BRD4: variants seen among roughly 807,000 people sequenced by gnomAD.
BRD4 encodes bromodomain-containing protein 4.
BRD4 carries 16 observed loss-of-function variants against 142.1 expected under a neutral mutation model. That is an observed-to-expected ratio of 0.11 (90% CI 0.08 to 0.17). The LOEUF is 0.17. Ranked by LOEUF, BRD4 falls within the 10% of genes least tolerant of loss-of-function variation. The probability of loss-of-function intolerance (pLI) is 1.00; values close to 1 mark genes in which losing one functional copy is unlikely to be tolerated. For synonymous variants in BRD4, 833 were observed against 707.5 expected (o/e 1.18, Z -2.82); for missense variants, 1,424 against 1,810.9 (o/e 0.79, Z 3.88).
In BRD4 at chr19:15,236,865, A is replaced by G. The variant is rs1568374671; in HGVS notation, c.*1512T>C. The stretch of plus-strand genomic sequence containing the variant: ...AAAAAAAGAGAGATGTGTTTATTCC[A>G]TGATCAGTACAGACCAAATGCATAT... On this transcript the variant is annotated 3_prime_UTR_variant, in exon 20 of 20. Transcript: ENST00000679869. 1 of 193,976 alleles carries G rather than the reference A, an allele frequency of 5.2e-6. No individual in the cohort carries two copies. The highest frequency in any genetic ancestry group is 1.1e-5 in the Non-Finnish European group (1 of 93,086). 12.0% of individuals were successfully genotyped at this position (193,976 alleles called of 1,614,324 possible).
intron 1 of BRD4, among the ~76,000 whole-genome samples, chr19:15,292,240 C>CA (rs1210748208): frequency 2.0e-5 from 3 of 152,156 alleles, no homozygotes; most frequent in African/African-American, 7.2e-5. Flanking sequence ...AGAAGTTATA[C>CA]AACTCTCATA....
chr19:15,327,447 A>G (rs544735990), intron 1 of BRD4, among the ~76,000 whole-genome samples: 43 of 152,238 alleles, frequency 2.8e-4, no homozygotes, highest in Non-Finnish European at 5.7e-4. Flanking sequence ...GGGAGGTTGA[A>G]GCAGGAGAAG....
intron 10 of BRD4, 114 bp from the exon 11 acceptor site, chr19:15,254,376 G>A (rs971005243): frequency 1.2e-5 from 11 of 883,054 alleles, no homozygotes; most frequent in South Asian, 7.4e-5. Context: ...GCCTGTGCAC[G>A]GTGGGCCCAG....
chr19:15,306,367 C>G (rs1257625540), intron 1 of BRD4, among the ~76,000 whole-genome samples: 1 of 152,158 alleles, frequency 6.6e-6, no homozygotes, highest in Admixed American at 6.6e-5. Context: ...CTCCTAGGCT[C>G]AAGCAATCCT....
At chr19:15,323,992 G>A (rs995965086) in intron 1 of BRD4, among the ~76,000 whole-genome samples, 4 of 152,214 alleles carry the variant, frequency 2.6e-5, no homozygotes, top group African/African-American at 7.2e-5. Flanking sequence ...TTACAGAAGA[G>A]AAAACTGAGG....
At position 15,244,420 on chromosome 19, in the gene BRD4, G is replaced by A; in HGVS notation, c.2392C>T (p.Pro798Ser). Reference protein sequence around the residue: ...QAAPAMKSSPPPFIATQVPVL... With the variant: ...QAAPAMKSSPSPFIATQVPVL... Reference sequence around the variant, plus strand: ...GGCACCTGGGTGGCAATGAAGGGTGGGGGCGAGGACTTCATCGCCGGGGCT... The same window carrying A: ...GGCACCTGGGTGGCAATGAAGGGTGAGGGCGAGGACTTCATCGCCGGGGCT... The change falls in exon 13 of 20, where the codon CCA (proline) becomes TCA (serine). Residue 798 changes from proline (P) to serine (S), a missense_variant. Around this residue, in one of 16 missense-constraint regions of BRD4, gnomAD observed 598 missense variants for 647.8 expected, o/e 0.92. Coordinates refer to ENST00000679869, the MANE Select transcript of BRD4 (RefSeq NM_001379291.1). 6.3e-7 allele frequency: 1 copy of A among 1,593,474 alleles called. No homozygotes were observed. The highest frequency in any genetic ancestry group is 8.5e-7 in the Non-Finnish European group (1 of 1,174,650).
chr19:15,271,009 G>A (rs1201954776), intron 2 of BRD4, among the ~76,000 whole-genome samples: 1 of 152,162 alleles, frequency 6.6e-6, no homozygotes, highest in African/African-American at 2.4e-5. Flanking sequence ...CCTGGACCAA[G>A]AACGTCCTGG....
chr19:15,267,329 TC>T, intron 4 of BRD4, 86 bp downstream of exon 4: 1 of 1,509,570 alleles, frequency 6.6e-7, no homozygotes, highest in Non-Finnish European at 9.0e-7. Context: ...TGTCACATCC[TC>T]CTGCCACTCC....
intron 1 of BRD4, among the ~76,000 whole-genome samples, chr19:15,317,633 G>A (rs2048028068): frequency 6.6e-6 from 1 of 152,066 alleles, no homozygotes; most frequent in African/African-American, 2.4e-5. Flanking sequence ...GGTGGTGGTG[G>A]TGGTGGTGGT....
chr19:15,263,910 G>GC lies in BRD4; in HGVS notation c.1213-363dup, dbSNP rs567562647. On this transcript the variant is annotated intron_variant, in intron 6 of 19. Coordinates refer to ENST00000679869, the MANE Select transcript of BRD4 (RefSeq NM_001379291.1). Reference sequence around the variant, plus strand: ...CACAGCACTGTTCCCTGCTCTGCCTGCCCCATGCTTGGGACTCCACTCCCA... The same window carrying GC: ...CACAGCACTGTTCCCTGCTCTGCCTGCCCCCATGCTTGGGACTCCACTCCCA... Among the ~76,000 whole-genome samples the GC allele has an allele frequency of 2.4e-4, 36 of 152,362 alleles. No homozygotes were observed. In the South Asian group the frequency reaches 7.5e-3, roughly 32 times the overall value.
At chr19:15,310,517 C>T (rs1161171637) in intron 1 of BRD4, among the ~76,000 whole-genome samples, 1 of 151,826 alleles carries the variant, frequency 6.6e-6, no homozygotes, top group African/African-American at 2.4e-5. Flanking sequence ...CCCACCACCA[C>T]GCCTGGCTAA....
intron 1 of BRD4, among the ~76,000 whole-genome samples, chr19:15,289,777 G>T (rs1242302275): frequency 2.6e-5 from 4 of 152,138 alleles, no homozygotes; most frequent in Non-Finnish European, 5.9e-5. Flanking sequence ...CACAAGCAAT[G>T]GGAGAAGTGT....
At position 15,256,200 on chromosome 19, in the gene BRD4, T is replaced by G. The variant is rs1017256257; in HGVS notation, c.1615A>C (p.Lys539Gln). ...TTCTTTTCCTTCTTGTCTTTCTCCT[T>G]TTTCTTTGGTTTGTTCTGCTGGGGC... Reference protein sequence around the residue: ...SQPQQNKPKKKEKDKKEKKKE... With the variant: ...SQPQQNKPKKQEKDKKEKKKE... The change falls in exon 9 of 20, where the codon AAG becomes CAG. Residue 539 changes from lysine to glutamine, a missense_variant. Lys to Gln is a moderately conservative substitution (Grantham distance 53). Coordinates refer to ENST00000679869, the MANE Select transcript of BRD4 (RefSeq NM_001379291.1). 2 of 1,613,346 alleles carry G rather than the reference T, an allele frequency of 1.2e-6. No homozygotes were observed. The highest frequency in any genetic ancestry group is 2.7e-5 in the African/African-American group (2 of 74,908).
At chr19:15,267,638 C>A (rs1324300262) in intron 3 of BRD4, 87 bp from the exon 4 acceptor site, 1 of 1,471,074 alleles carries the variant, frequency 6.8e-7, no homozygotes, top group South Asian at 1.3e-5. Context: ...CCACCCCCTG[C>A]CCCCAAAACA....
intron 1 of BRD4, among the ~76,000 whole-genome samples, chr19:15,280,887 TCAATTTACAG>T (rs1218779003): frequency 1.3e-5 from 2 of 152,218 alleles, no homozygotes; most frequent in Admixed American, 6.5e-5. Context: ...TCAATACAAT[TCAATTTACAG>T]CAATTTACAT....
At chr19:15,289,349 C>T (rs914150760) in intron 1 of BRD4, among the ~76,000 whole-genome samples, 36 of 152,114 alleles carry the variant, frequency 2.4e-4, no homozygotes, top group African/African-American at 9.7e-5. Flanking sequence ...GTCAGGAGTT[C>T]GGGACCAACC....
intron 1 of BRD4, among the ~76,000 whole-genome samples, chr19:15,330,934 T>TA (rs1343353851): frequency 1.3e-5 from 2 of 152,156 alleles, no homozygotes; most frequent in Non-Finnish European, 1.5e-5. Flanking sequence ...CGACCATTGT[T>TA]ACAGCCCCAA....
Position 15,244,242 on chromosome 19 carries a change from AC to A in BRD4, c.2569del (p.Val857SerfsTer38). 1 of 1,567,518 alleles carries A rather than the reference AC, an allele frequency of 6.4e-7. No individual in the cohort carries two copies. The highest frequency in any genetic ancestry group is 8.6e-7 in the Non-Finnish European group (1 of 1,159,188). On this transcript the variant is annotated frameshift_variant, in exon 13 of 20. Transcript: ENST00000679869. LOFTEE classifies it high-confidence loss of function. ...AGGCCACGGCTCACCTGGAGGAGAG[AC>A]CACTGCGTGCTGGTTGAGATGGGGT... ...TPPHLNQHAV[V>X]SPPALHNALP...
At chr19:15,282,582 C>G (rs1309006523) in intron 1 of BRD4, among the ~76,000 whole-genome samples, 1 of 152,230 alleles carries the variant, frequency 6.6e-6, no homozygotes, top group Non-Finnish European at 1.5e-5. Context: ...GGCACTACAC[C>G]TGGCCAAATT....
Sources: allele counts gnomAD v4.1 joint callset (sites outside exome capture counted in the v4.1 genomes callset), GRCh38; gene constraint gnomAD v4.1.1; regional missense constraint gnomAD v4.1.1; transcripts MANE v1.5; gene names NCBI Gene and HGNC (gene_info 2026-07-23, HGNC 2026-07-21).